The following ARHGAP32 variants were observed in gnomAD, a reference collection of about 807,000 sequenced individuals.
The protein encoded by ARHGAP32 is Rho GTPase activating protein 32.
In ARHGAP32, 51 loss-of-function variants were observed where a neutral mutation model predicts 186.5. The ratio of observed to expected loss-of-function variants is 0.27; its 90% CI spans 0.22 to 0.35. ARHGAP32 has a LOEUF of 0.35. Ranked by LOEUF, ARHGAP32 falls within the 10% of genes least tolerant of loss-of-function variation. The pLI, the probability that ARHGAP32 is intolerant of heterozygous loss-of-function variation, is 1.00. For synonymous variants in ARHGAP32, 950 were observed against 964.3 expected (o/e 0.99, Z 0.27); for missense variants, 2,186 against 2,623.5 (o/e 0.83, Z 3.64).
At chr11:129,038,903 A>G (rs1369069032) in intron 11 of ARHGAP32, among the ~76,000 whole-genome samples, 3 of 150,414 alleles carry the variant, frequency 2.0e-5, no homozygotes, top group African/African-American at 7.3e-5. Context: ...AAAAAAAAAA[A>G]AAAAGAAAAA....
intron 2 of ARHGAP32, among the ~76,000 whole-genome samples, chr11:129,151,667 C>T (rs1306370357): frequency 6.6e-6 from 1 of 152,052 alleles, no homozygotes; most frequent in Non-Finnish European, 1.5e-5. Flanking sequence ...ATTCTTTGAG[C>T]TGAATGATAA....
chr11:129,269,203 C>G (rs911216813), intron 1 of ARHGAP32, among the ~76,000 whole-genome samples: 1 of 151,988 alleles, frequency 6.6e-6, no homozygotes, highest in Non-Finnish European at 1.5e-5. Flanking sequence ...CCCAGTAAGT[C>G]GAGGCTTCAG....
intron 11 of ARHGAP32, among the ~76,000 whole-genome samples, chr11:129,015,355 T>G (rs1364500454): frequency 6.6e-6 from 1 of 152,186 alleles, no homozygotes; most frequent in African/African-American, 2.4e-5. Flanking sequence ...CCAATGTCAA[T>G]GTACTTATTT....
chr11:129,039,296 G>C (rs1939493058), intron 11 of ARHGAP32, among the ~76,000 whole-genome samples: 1 of 152,158 alleles, frequency 6.6e-6, no homozygotes, highest in African/African-American at 2.4e-5. Context: ...TGAATATTCA[G>C]AGAAGCCAAA....
intron 6 of ARHGAP32, among the ~76,000 whole-genome samples, chr11:129,070,857 C>G (rs775002619): frequency 2.0e-5 from 3 of 151,992 alleles, no homozygotes; most frequent in Non-Finnish European, 4.4e-5. Context: ...ACTGTATCTT[C>G]TTTCATTTGC....
At chr11:129,057,003 C>T (rs1290865243) in intron 10 of ARHGAP32, among the ~76,000 whole-genome samples, 1 of 152,146 alleles carries the variant, frequency 6.6e-6, no homozygotes, top group Non-Finnish European at 1.5e-5. Flanking sequence ...AGGGAAGACA[C>T]TGCCACCTCT....
chr11:129,037,878 G>A (rs949418748), intron 11 of ARHGAP32, among the ~76,000 whole-genome samples: 7 of 151,860 alleles, frequency 4.6e-5, no homozygotes, highest in East Asian at 3.9e-4. Flanking sequence ...CGAGGTGGGC[G>A]GATCACGATG....
In ARHGAP32 at chr11:129,124,048, T is replaced by C. The variant is rs189158127; in HGVS notation, c.318-119A>G. ...CTCTTTAAAACTGATTACTTTCAGGTACACGATGAATAGTCCTTGTTCAAA... is the reference window on the plus strand; with the variant it reads ...CTCTTTAAAACTGATTACTTTCAGGCACACGATGAATAGTCCTTGTTCAAA... On this transcript the variant is annotated intron_variant, in intron 3 of 22. Transcript: ENST00000682385. 1.1e-3 allele frequency: 597 copies of C among 551,944 alleles called. 5 individuals carry two copies. In the African/African-American group the frequency reaches 0.012, roughly 11 times the overall value. The allele number at this position is 551,944 out of a possible 1,614,324, so 34.2% of individuals were successfully genotyped here.
chr11:129,053,834 T>C (rs1211973703), intron 10 of ARHGAP32, among the ~76,000 whole-genome samples: 3 of 152,146 alleles, frequency 2.0e-5, no homozygotes, highest in Non-Finnish European at 4.4e-5. Flanking sequence ...TGATTTCCCA[T>C]TACTTAACTG....
intron 11 of ARHGAP32, among the ~76,000 whole-genome samples, chr11:129,022,589 CACTAAGGT>C (rs1198142899): frequency 6.6e-6 from 1 of 152,164 alleles, no homozygotes; most frequent in Admixed American, 6.5e-5. Context: ...CAACAGCTCT[CACTAAGGT>C]TACTATGATG....
At chr11:128,997,869 G>A (rs1946244264) in intron 12 of ARHGAP32, among the ~76,000 whole-genome samples, 1 of 152,092 alleles carries the variant, frequency 6.6e-6, no homozygotes, top group Admixed American at 6.5e-5. Context: ...ACTCCAGCGT[G>A]GGCAACAAAT....
At chr11:129,245,332 A>T (rs1383297792) in intron 1 of ARHGAP32, among the ~76,000 whole-genome samples, 5 of 149,840 alleles carry the variant, frequency 3.3e-5, no homozygotes, top group Admixed American at 2.0e-4. Flanking sequence ...CATCATTCTC[A>T]GTAAACTATC....
At chr11:129,145,409 T>A (rs1943148116) in intron 2 of ARHGAP32, among the ~76,000 whole-genome samples, 1 of 152,090 alleles carries the variant, frequency 6.6e-6, no homozygotes, top group Non-Finnish European at 1.5e-5. Flanking sequence ...ACTAGATGTT[T>A]ATTTTGAAAA....
chr11:128,981,616 CTCTT>C, intron 16 of ARHGAP32, 55 bp from the exon 17 acceptor site: 1 of 1,540,760 alleles, frequency 6.5e-7, no homozygotes, highest in Non-Finnish European at 8.8e-7. Flanking sequence ...CGTCAAGGGC[CTCTT>C]TTTTTAAACG....
At position 128,984,524 on chromosome 11, in the gene ARHGAP32, T is replaced by C. The variant is rs2509822; in HGVS notation, c.1526+1479A>G. Among the ~76,000 whole-genome samples the C allele has an allele frequency of 3.4e-4, 52 of 152,250 alleles. 1 individual carries two copies. The highest frequency in any genetic ancestry group is 2.8e-3 in the Admixed American group (43 of 15,298). ...CAAGAACATCTAAGGAATTCAGAAATGTTAATGTTAAAATTTTGGATAAAA... is the reference window on the plus strand; with the variant it reads ...CAAGAACATCTAAGGAATTCAGAAACGTTAATGTTAAAATTTTGGATAAAA... On this transcript the variant is annotated intron_variant, in intron 15 of 22. Coordinates refer to ENST00000682385, the MANE Select transcript of ARHGAP32 (RefSeq NM_001378024.1).
At chr11:129,273,379 TGGAGGGCCACTGAATATAAAACAAGAA>T (rs1242893503) in intron 1 of ARHGAP32, among the ~76,000 whole-genome samples, 13 of 152,172 alleles carry the variant, frequency 8.5e-5, no homozygotes, top group Non-Finnish European at 4.4e-5. Flanking sequence ...CTACTTAATC[TGGAGGGCCACTGAATATAAAACAAGAA>T]GGAAGGTCTG....
At chr11:129,205,113 A>C (rs903290683) in intron 1 of ARHGAP32, among the ~76,000 whole-genome samples, 1 of 152,196 alleles carries the variant, frequency 6.6e-6, no homozygotes, top group Non-Finnish European at 1.5e-5. Flanking sequence ...ATTTATGTTT[A>C]AATTTGAATG....
intron 1 of ARHGAP32, among the ~76,000 whole-genome samples, chr11:129,227,574 G>A (rs1944803254): frequency 6.6e-6 from 1 of 151,550 alleles, no homozygotes; most frequent in South Asian, 2.1e-4. Context: ...GTGAAAGGAT[G>A]GAAAAGCTAT....
At chr11:129,092,027 T>C (rs1941591484) in intron 6 of ARHGAP32, among the ~76,000 whole-genome samples, 1 of 152,074 alleles carries the variant, frequency 6.6e-6, no homozygotes, top group South Asian at 2.1e-4. Flanking sequence ...ACTAAATTAC[T>C]ACTTTGATAT....
Sources: allele counts gnomAD v4.1 joint callset (sites outside exome capture counted in the v4.1 genomes callset), GRCh38; gene constraint gnomAD v4.1.1; transcripts MANE v1.5; gene names NCBI Gene and HGNC (gene_info 2026-07-23, HGNC 2026-07-21).